DUSP16: variants seen among roughly 807,000 people sequenced by gnomAD.
DUSP16 encodes the protein dual specificity phosphatase 16.
In DUSP16, 21 loss-of-function variants were observed where a neutral mutation model predicts 58.3. The ratio of observed to expected loss-of-function variants is 0.36; its 90% CI spans 0.26 to 0.52. The LOEUF is 0.52. Among genes scored for constraint, DUSP16 ranks in the 20% least tolerant of loss-of-function variants. The pLI, the probability that DUSP16 is intolerant of heterozygous loss-of-function variation, is 0.94. For synonymous variants in DUSP16, 320 were observed against 323.8 expected, an observed-to-expected ratio of 0.99 and a Z score of 0.12; for missense variants, 726 against 819.0, an observed-to-expected ratio of 0.89 and a Z score of 1.39.
intron 4 of DUSP16, among the ~76,000 whole-genome samples, chr12:12,494,111 G>A (rs2136205186): frequency 6.6e-6 from 1 of 152,234 alleles, no homozygotes; most frequent in African/African-American, 2.4e-5. Flanking sequence ...CTTCTAATGA[G>A]AAACCTTCAT....
chr12:12,555,529 C>A (rs1018586040), intron 1 of DUSP16, among the ~76,000 whole-genome samples: 27 of 152,126 alleles, frequency 1.8e-4, no homozygotes, highest in African/African-American at 6.3e-4. Flanking sequence ...ACATCTTTCC[C>A]CATTTATTTT....
Position 12,475,474 on chromosome 12 carries a change from C to T in DUSP16, c.*1359G>A, listed in dbSNP as rs1367131543. Reference sequence around the variant, plus strand: ...TTTCCACTGAAGACACGCCGGCCAGCGTTTCCAAAAACAGCTTGGCCATGG... The same window carrying T: ...TTTCCACTGAAGACACGCCGGCCAGTGTTTCCAAAAACAGCTTGGCCATGG... On this transcript the variant is annotated 3_prime_UTR_variant, in exon 7 of 7. Transcript: ENST00000298573. 1.3e-5 allele frequency: 2 copies of T among 152,200 alleles called. No individual in the cohort carries two copies. The highest frequency in any genetic ancestry group is 1.5e-5 in the Non-Finnish European group (1 of 68,050). 9.4% of individuals were successfully genotyped at this position (152,200 alleles called of 1,614,324 possible). A position where few individuals can be genotyped will look rare whatever the true frequency, so the allele number is the denominator to read the frequency against.
At chr12:12,530,667 G>A (rs1048410115) in intron 1 of DUSP16, among the ~76,000 whole-genome samples, 3 of 152,116 alleles carry the variant, frequency 2.0e-5, no homozygotes, top group Non-Finnish European at 4.4e-5. Context: ...CCTATACAGT[G>A]CATTTCTTGG....
intron 3 of DUSP16, among the ~76,000 whole-genome samples, chr12:12,517,219 G>A (rs1944166905): frequency 6.6e-6 from 1 of 152,170 alleles, no homozygotes; most frequent in African/African-American, 2.4e-5. Flanking sequence ...TTTTCTCAAG[G>A]TGGCTGAAAG....
intron 3 of DUSP16, among the ~76,000 whole-genome samples, chr12:12,503,986 A>C (rs1943949248): frequency 6.6e-6 from 1 of 152,254 alleles, no homozygotes; most frequent in African/African-American, 2.4e-5. Flanking sequence ...AAAGGGGGTC[A>C]GCCAATATTG....
chr12:12,534,007 AAC>A (rs1944429562), intron 1 of DUSP16, among the ~76,000 whole-genome samples: 2 of 152,210 alleles, frequency 1.3e-5, no homozygotes, highest in South Asian at 4.1e-4. Context: ...TATACCCTAC[AAC>A]ACACAAACTA....
At chr12:12,502,625 C>T (rs1184127544) in intron 3 of DUSP16, among the ~76,000 whole-genome samples, 1 of 149,156 alleles carries the variant, frequency 6.7e-6, no homozygotes, top group East Asian at 2.0e-4. Flanking sequence ...GATCTCAGCT[C>T]ACTGCAATCT....
intron 1 of DUSP16, among the ~76,000 whole-genome samples, chr12:12,558,934 T>C (rs1244878981): frequency 2.0e-5 from 3 of 152,362 alleles, no homozygotes; most frequent in Non-Finnish European, 2.9e-5. Context: ...TACATCCTTC[T>C]TTTGAGCCAC....
intron 1 of DUSP16, among the ~76,000 whole-genome samples, chr12:12,535,427 T>C (rs1944450948): frequency 1.3e-5 from 2 of 152,220 alleles, no homozygotes; most frequent in Admixed American, 6.5e-5. Context: ...TTCTTTTTTA[T>C]TTTTTCTTTT....
At position 12,476,079 on chromosome 12, in the gene DUSP16, A is replaced by G. The variant is rs756646991; in HGVS notation, c.*754T>C. Reference sequence around the variant, plus strand: ...CTTCTCTTCATAAAGCTGAGAAGAAAAAAAAATTATCTCCATCTAGGCCCA... The same window carrying G: ...CTTCTCTTCATAAAGCTGAGAAGAAGAAAAAATTATCTCCATCTAGGCCCA... On this transcript the variant is annotated 3_prime_UTR_variant, in exon 7 of 7. Transcript: ENST00000298573. 3.9e-5 allele frequency: 6 copies of G among 152,360 alleles called. No homozygotes were observed. The highest frequency in any genetic ancestry group is 1.9e-4 in the East Asian group (1 of 5,198). The allele number at this position is 152,360 out of a possible 1,614,324, so 9.4% of individuals were successfully genotyped here. A position where few individuals can be genotyped will look rare whatever the true frequency, so the allele number is the denominator to read the frequency against.
rs182983674 is a variant in DUSP16 at position 12,473,939 on chromosome 12, C to T, written c.*2894G>A. 1.6e-3 allele frequency among the ~76,000 whole-genome samples: 239 copies of T among 152,260 alleles called. 1 individual carries two copies. Among genetic ancestry groups the T allele is most frequent in the Non-Finnish European group, 2.5e-3 (172 of 68,020 alleles). On this transcript the variant is annotated 3_prime_UTR_variant, in exon 7 of 7. Transcript: ENST00000298573. ...TGTACTTGTGTGTTCTGGAATCAGT[C>T]AGCTAGAAAATATTTACCAAGTGTC...
At chr12:12,482,796 CTG>C (rs1387652264) in intron 5 of DUSP16, among the ~76,000 whole-genome samples, 3 of 152,192 alleles carry the variant, frequency 2.0e-5, no homozygotes, top group Non-Finnish European at 4.4e-5. Context: ...CTCACTGTAA[CTG>C]TGAGCTCCTA....
Position 12,520,007 on chromosome 12 carries a change from T to C in DUSP16, c.229-7A>G, listed in dbSNP as rs187382315. 2 of 1,614,060 alleles carry C rather than the reference T, an allele frequency of 1.2e-6. No individual in the cohort carries two copies. Among genetic ancestry groups the C allele is most frequent in the East Asian group, 2.2e-5 (1 of 44,860 alleles). The stretch of plus-strand genomic sequence containing the variant: ...GACTGCAATCAATGTCAACCTGAAA[T>C]GCAAACATGAGGCTTGTTAGGAAGA... On this transcript the variant is annotated splice_polypyrimidine_tract_variant and splice_region_variant and intron_variant, in intron 2 of 6. Coordinates refer to ENST00000298573, the MANE Select transcript of DUSP16 (RefSeq NM_030640.3).
At chr12:12,558,118 CCA>C (rs1345290102) in intron 1 of DUSP16, among the ~76,000 whole-genome samples, 2 of 152,234 alleles carry the variant, frequency 1.3e-5, no homozygotes, top group Non-Finnish European at 2.9e-5. Flanking sequence ...ATAACATGGG[CCA>C]GTGTCCCCAA....
chr12:12,502,944 G>C (rs886074091), intron 3 of DUSP16, among the ~76,000 whole-genome samples: 1 of 152,076 alleles, frequency 6.6e-6, no homozygotes, highest in Non-Finnish European at 1.5e-5. Context: ...TAGAAGCCAC[G>C]GTACATACAG....
In DUSP16 at chr12:12,562,756, G is replaced by A. The variant is rs1027991544; in HGVS notation, c.-1005C>T. On this transcript the variant is annotated 5_prime_UTR_variant, in exon 1 of 7. Coordinates refer to ENST00000298573, the MANE Select transcript of DUSP16 (RefSeq NM_030640.3). ...GGCGGTGGGCGCCGGGCGGGGCCGC[G>A]CGCTCGCCCATCCCGCGGCCGCCCG... Among the ~76,000 whole-genome samples the A allele has an allele frequency of 1.1e-4, 17 of 151,324 alleles. No individual in the cohort carries two copies. Among genetic ancestry groups the A allele is most frequent in the African/African-American group, 4.1e-4 (17 of 41,320 alleles).
chr12:12,515,332 T>A (rs1944132230), intron 3 of DUSP16, among the ~76,000 whole-genome samples: 1 of 33,868 alleles, frequency 3.0e-5, no homozygotes, highest in South Asian at 9.3e-4. Context: ...TTAATATGCT[T>A]TTTTTTTTTT....
At chr12:12,554,298 C>G (rs1201572543) in intron 1 of DUSP16, among the ~76,000 whole-genome samples, 1 of 150,422 alleles carries the variant, frequency 6.6e-6, no homozygotes, top group Non-Finnish European at 1.5e-5. Context: ...TTTGCAGAGA[C>G]AGAGTCTCAC....
At position 12,476,926 on chromosome 12, in the gene DUSP16, GCT is replaced by G. The variant is rs1429346420; in HGVS notation, c.1903_1904del (p.Ser635HisfsTer19). 2 of 1,613,994 alleles carry G rather than the reference GCT, an allele frequency of 1.2e-6. No individual in the cohort carries two copies. The highest frequency in any genetic ancestry group is 1.1e-5 in the South Asian group (1 of 91,072). ...CCCGTGACCTGTTCTCTGACATGAT[GCT>G]CTCTCCAAATTCCATTTGGCAGCTT... ...RRSCQMEFGE[S>X]IMSENRSREE... On this transcript the variant is annotated frameshift_variant, in exon 7 of 7. Transcript: ENST00000298573. LOFTEE classifies it high-confidence loss of function.
Sources: gnomAD v4.1 joint callset for allele counts (sites outside exome capture counted in the v4.1 genomes callset) on GRCh38, gnomAD v4.1.1 for gene constraint, MANE v1.5 for transcripts, NCBI Gene and HGNC (gene_info 2026-07-23, HGNC 2026-07-21) for gene names.